The following HNF4A variants were observed in gnomAD, a reference collection of about 807,000 sequenced individuals.
HNF4A encodes the protein hepatocyte nuclear factor 4-alpha.
A neutral mutation model predicts 52.4 loss-of-function variants in HNF4A; 15 were observed. That is an observed-to-expected ratio of 0.29 (90% CI 0.19 to 0.44). The LOEUF (loss-of-function observed/expected upper bound fraction) is 0.44, where lower values mean the gene tolerates loss of function less well. Among genes scored for constraint, HNF4A ranks in the 20% least tolerant of loss-of-function variants. The pLI is 1.00. For missense variants in HNF4A, 479 were observed against 647.2 expected, an observed-to-expected ratio of 0.74 and a Z score of 2.82; for synonymous variants, 280 against 264.4, an observed-to-expected ratio of 1.06 and a Z score of -0.57.
At chr20:44,412,820 T>C (rs1452445915) in intron 3 of HNF4A, among the ~76,000 whole-genome samples, 1 of 151,606 alleles carries the variant, frequency 6.6e-6, no homozygotes, top group Non-Finnish European at 1.5e-5. Flanking sequence ...CGAGAAAGAG[T>C]GCAGGGAGCC....
intron 1 of HNF4A, among the ~76,000 whole-genome samples, chr20:44,365,014 G>A (rs2062956617): frequency 6.6e-6 from 1 of 152,204 alleles, no homozygotes; most frequent in Non-Finnish European, 1.5e-5. Context: ...GGGACTAGCT[G>A]TAAAGTTTGT....
chr20:44,431,352 C>T lies in HNF4A; in HGVS notation c.*1687C>T, dbSNP rs770458305. The T allele has an allele frequency of 2.0e-5, 3 of 152,286 alleles. No individual in the cohort carries two copies. Among genetic ancestry groups the T allele is most frequent in the African/African-American group, 4.8e-5 (2 of 41,436 alleles). 9.4% of individuals were successfully genotyped at this position (152,286 alleles called of 1,614,324 possible). ...GGCTGCACTAAAATTCACTTAGGGTCGAGCATCCTGTTTGCTGATAAATAT... is the reference window on the plus strand; with the variant it reads ...GGCTGCACTAAAATTCACTTAGGGTTGAGCATCCTGTTTGCTGATAAATAT... On this transcript the variant is annotated 3_prime_UTR_variant, in exon 10 of 10. Transcript: ENST00000316099.
chr20:44,380,464 T>G (rs186757996), intron 1 of HNF4A, among the ~76,000 whole-genome samples: 2 of 152,188 alleles, frequency 1.3e-5, no homozygotes, highest in Non-Finnish European at 2.9e-5. Flanking sequence ...GGCTAATTTT[T>G]AAATTTTTCT....
chr20:44,406,963 G>A (rs1218799988), intron 2 of HNF4A, among the ~76,000 whole-genome samples: 1 of 152,186 alleles, frequency 6.6e-6, no homozygotes, highest in African/African-American at 2.4e-5. Flanking sequence ...GTGTGGCACT[G>A]CCTCTACTTC....
chr20:44,381,519 A>G (rs958912287), intron 1 of HNF4A, among the ~76,000 whole-genome samples: 53 of 152,064 alleles, frequency 3.5e-4, no homozygotes, highest in African/African-American at 1.3e-3. Context: ...CCTGGCTTCA[A>G]CTGATCTGCC....
chr20:44,373,536 C>A (rs1047640821), intron 1 of HNF4A, among the ~76,000 whole-genome samples: 3 of 151,898 alleles, frequency 2.0e-5, no homozygotes, highest in Non-Finnish European at 4.4e-5. Context: ...CATGAACCTG[C>A]TTTAGTTAAG....
At chr20:44,415,183 A>G in intron 5 of HNF4A, among the ~76,000 whole-genome samples, 1 of 152,164 alleles carries the variant, frequency 6.6e-6, no homozygotes, top group East Asian at 1.9e-4. Flanking sequence ...AAATGATAAT[A>G]TCCACTTTAG....
rs150956428 is a variant in HNF4A, at chr20:44,379,179, T to G, written c.49+23326T>G. Among the ~76,000 whole-genome samples, 756 of 152,298 alleles carry G rather than the reference T, an allele frequency of 5.0e-3. 6 individuals carry two copies. The highest frequency in any genetic ancestry group is 0.017 in the African/African-American group (686 of 41,560). ...TCCATTGTATGCATATACCACATTT[T>G]ATTGATCCATTCATCCATTGATTGA... On this transcript the variant is annotated intron_variant, in intron 1 of 9. Coordinates refer to the HNF4A transcript ENST00000316673.
intron 1 of HNF4A, among the ~76,000 whole-genome samples, chr20:44,390,224 C>G (rs1039430985): frequency 6.6e-6 from 1 of 152,194 alleles, no homozygotes; most frequent in Non-Finnish European, 1.5e-5. Flanking sequence ...GATGGAGAAA[C>G]ACGCTCAGAA....
At chr20:44,414,692 G>C (rs562991142) in intron 5 of HNF4A, 30 bp downstream of exon 5, 1 of 1,577,316 alleles carries the variant, frequency 6.3e-7, no homozygotes, top group African/African-American at 1.3e-5. Context: ...GTGGGCAGTA[G>C]TGGGCAGTGG....
At chr20:44,385,059 C>CTTTTTTTTTTTT (rs775721024) in intron 1 of HNF4A, among the ~76,000 whole-genome samples, 608 of 34,972 alleles carry the variant, frequency 0.017, 150 homozygotes, top group East Asian at 0.09. Flanking sequence ...ACTCTGTGAT[C>CTTTTTTTTTTTT]TTTTTTTTTT....
In HNF4A at chr20:44,363,706, CTTT is replaced by C. The variant is rs11480026; in HGVS notation, c.49+7873_49+7875del. On this transcript the variant is annotated intron_variant, in intron 1 of 9. Transcript: ENST00000316673. ...TTCTCCTGCTGTTTCTCCATCTACT[CTTT>C]TTTTTTTTTTTTTTTTTTTGAGACA... 9.6e-3 allele frequency among the ~76,000 whole-genome samples: 1,029 copies of C among 107,418 alleles called. 6 individuals are homozygous for C. The highest frequency in any genetic ancestry group is 0.032 in the African/African-American group (957 of 29,956). 70.5% of individuals were successfully genotyped at this position (107,418 alleles called of 152,430 possible). A position where few individuals can be genotyped will look rare whatever the true frequency, so the allele number is the denominator to read the frequency against.
intron 1 of HNF4A, among the ~76,000 whole-genome samples, chr20:44,379,605 G>A (rs1194399697): frequency 6.6e-6 from 1 of 152,002 alleles, no homozygotes; most frequent in African/African-American, 2.4e-5. Flanking sequence ...AGGCTGGAGT[G>A]CAGTAGTGCA....
intron 1 of HNF4A, among the ~76,000 whole-genome samples, chr20:44,402,329 G>A (rs1396395181): frequency 2.0e-5 from 3 of 152,088 alleles, no homozygotes; most frequent in East Asian, 1.9e-4. Flanking sequence ...TTGTGCATGC[G>A]GACCTGTTGG....
chr20:44,425,139 G>T (rs1269309052), intron 8 of HNF4A, among the ~76,000 whole-genome samples: 1 of 152,046 alleles, frequency 6.6e-6, no homozygotes, highest in African/African-American at 2.4e-5. Context: ...CCGCCACCAC[G>T]CCCTGCTCAT....
intron 5 of HNF4A, among the ~76,000 whole-genome samples, chr20:44,417,985 A>AT (rs2063689246): frequency 6.6e-6 from 1 of 151,650 alleles, no homozygotes; most frequent in South Asian, 2.1e-4. Context: ...AAAAAAAAAA[A>AT]TAGAATCTGT....
intron 1 of HNF4A, among the ~76,000 whole-genome samples, chr20:44,368,161 T>TATATA (rs71195542): frequency 2.4e-3 from 44 of 18,288 alleles, no homozygotes; most frequent in Non-Finnish European, 3.0e-3. Context: ...TATATATATA[T>TATATA]TTTTTTTTTT....
rs1386633021 is a variant in HNF4A, at chr20:44,401,385, A to G, written c.13A>G (p.Lys5Glu). 1.2e-6 allele frequency: 2 copies of G among 1,614,154 alleles called. No individual in the cohort carries two copies. Among genetic ancestry groups the G allele is most frequent in the Admixed American group, 3.3e-5 (2 of 60,028 alleles). Residue 5 changes from lysine to glutamate, a missense_variant, in exon 1 of 10, where the codon AAA becomes GAA. Physicochemically the swap from Lys to Glu is moderately conservative, Grantham distance 56. Coordinates refer to ENST00000316099, the MANE Select transcript of HNF4A (RefSeq NM_000457.6). ...GGAGGCAGGGAGAATGCGACTCTCC[A>G]AAACCCTCGTCGACATGGACATGGC...
chr20:44,407,550 T>G (rs899280728), intron 3 of HNF4A, 75 bp downstream of exon 3: 1 of 1,002,894 alleles, frequency 1.0e-6, no homozygotes, highest in Non-Finnish European at 1.5e-6. Context: ...CATTTACAAC[T>G]GTAGCCACAC....
Sources: gnomAD v4.1 joint callset for allele counts (sites outside exome capture counted in the v4.1 genomes callset) on GRCh38, gnomAD v4.1.1 for gene constraint, MANE v1.5 for transcripts, NCBI Gene and HGNC (gene_info 2026-07-23, HGNC 2026-07-21) for gene names.